The following ARHGEF25 variants were observed in gnomAD, a reference collection of about 807,000 sequenced individuals.
ARHGEF25 encodes Rho guanine nucleotide exchange factor 25, also known as RAC/CDC42 exchange factor.
A neutral mutation model predicts 74.0 loss-of-function variants in ARHGEF25; 42 were observed. The ratio of observed to expected loss-of-function variants is 0.57; its 90% CI spans 0.44 to 0.73. The LOEUF is 0.73. ARHGEF25 is among the 30% of genes least tolerant of loss of function. The probability of loss-of-function intolerance (pLI) is 0.00; values close to 1 mark genes in which losing one functional copy is unlikely to be tolerated. For synonymous variants in ARHGEF25, 293 were observed against 278.6 expected (o/e 1.05, Z -0.51); for missense variants, 645 against 725.5 (o/e 0.89, Z 1.27).
Position 57,614,266 on chromosome 12 carries a change from G to C in ARHGEF25, c.657-65G>C. 2 of 1,598,026 alleles carry C rather than the reference G, an allele frequency of 1.3e-6. No homozygotes were observed. Among genetic ancestry groups the C allele is most frequent in the Non-Finnish European group, 1.7e-6 (2 of 1,165,554 alleles). On this transcript the variant is annotated intron_variant, in intron 6 of 14. Coordinates refer to ENST00000286494, the MANE Select transcript of ARHGEF25 (RefSeq NM_182947.4). The surrounding 1 kb of genome is among the most constrained non-coding windows in gnomAD (Gnocchi z 4.6). ...CCAGGGCAGACAGCTCGAAACTGCT[G>C]GGAGTGGGCGAGGTGGGGGTTGTGA...
In ARHGEF25 at chr12:57,615,883, G is replaced by T. The variant is rs766237649; in HGVS notation, c.1286G>T (p.Arg429Leu). 1.2e-6 allele frequency: 2 copies of T among 1,614,110 alleles called. No individual in the cohort carries two copies. The highest frequency in any genetic ancestry group is 1.3e-5 in the African/African-American group (1 of 75,042). The part of the protein sequence containing the change: ...LEGNLQGDPC[R>L]FALTSRGPEG... ...GGGAACCTCCAAGGTGACCCTTGCC[G>T]CTTTGCACTGACCTCCAGAGGGCCA... Residue 429 changes from arginine (R) to leucine (L), a missense_variant, in exon 13 of 15, where the codon CGC (arginine) becomes CTC (leucine). Around this residue, in one of 3 missense-constraint regions of ARHGEF25, gnomAD observed 262 missense variants for 256.9 expected, o/e 1.02. Transcript: ENST00000286494.
chr12:57,610,751 T>G, upstream of ARHGEF25: 6 of 1,347,078 alleles, frequency 4.5e-6, no homozygotes, highest in Non-Finnish European at 6.1e-6. Context: ...TTCAAAAATA[T>G]TCTATTCTTA....
chr12:57,615,575 G>T lies in ARHGEF25; in HGVS notation c.1102G>T (p.Ala368Ser). 1 of 1,614,200 alleles carries T rather than the reference G, an allele frequency of 6.2e-7. No individual in the cohort carries two copies. Among genetic ancestry groups the T allele is most frequent in the South Asian group, 1.1e-5 (1 of 91,084 alleles). The change falls in exon 12 of 15, where the codon GCT (alanine) becomes TCT (serine). Residue 368 changes from alanine to serine, a missense_variant. By Grantham distance (99) the Ala-to-Ser change is moderately conservative. Transcript: ENST00000286494. ...CACTTTCTGGGTCACCGAGCCTGAG[G>T]CTGGAGGGCTGCTGTCTTCCCGAGG... ...QDTFWVTEPE[A>S]GGLLSSRGRE...
At position 57,614,202 on chromosome 12, in the gene ARHGEF25, A is replaced by G; in HGVS notation, c.656+83A>G. On this transcript the variant is annotated intron_variant, in intron 6 of 14. Coordinates refer to ENST00000286494, the MANE Select transcript of ARHGEF25 (RefSeq NM_182947.4). This position sits in a 1 kb window ranked among gnomAD's most constrained non-coding sequence, Gnocchi z 4.6. Reference sequence around the variant, plus strand: ...TGTATCCTAACATCAGCCCATTGCGACTTAAGGAATGTTTGGAGAAGTTTT... The same window carrying G: ...TGTATCCTAACATCAGCCCATTGCGGCTTAAGGAATGTTTGGAGAAGTTTT... 6.3e-7 allele frequency: 1 copy of G among 1,584,804 alleles called. No homozygotes were observed. The highest frequency in any genetic ancestry group is 8.7e-7 in the Non-Finnish European group (1 of 1,154,360).
chr12:57,613,814 G>A (rs1884162756), intron 5 of ARHGEF25, 54 bp downstream of exon 5: 3 of 1,600,044 alleles, frequency 1.9e-6, no homozygotes, highest in Non-Finnish European at 2.6e-6. Context: ...CATCTGCCCA[G>A]GGCTATTTTC....
intron 2 of ARHGEF25, 47 bp from the exon 3 acceptor site, chr12:57,613,217 A>G (rs1884130518): frequency 5.0e-6 from 8 of 1,610,626 alleles, no homozygotes; most frequent in Non-Finnish European, 6.8e-6. Context: ...AGTTGGGGCC[A>G]CCCAGCTACT....
chr12:57,615,606 A>G lies in ARHGEF25; in HGVS notation c.1133A>G (p.Glu378Gly), dbSNP rs780124033. 6.2e-7 allele frequency: 1 copy of G among 1,614,134 alleles called. No homozygotes were observed. The change falls in exon 12 of 15, where the codon GAG becomes GGG. Residue 378 changes from glutamate (E) to glycine (G), a missense_variant. Transcript: ENST00000286494. Reference protein sequence around the residue: ...AGGLLSSRGRERRVFLFEQII... With the variant: ...AGGLLSSRGRGRRVFLFEQII... ...GGGCTGCTGTCTTCCCGAGGTCGAG[A>G]GAGGCGCGTCTTCCTCTTTGAGCAA...
chr12:57,615,504 G>A lies in ARHGEF25; in HGVS notation c.1039-8G>A, dbSNP rs1464010851. 12 of 1,614,110 alleles carry A rather than the reference G, an allele frequency of 7.4e-6. No individual in the cohort carries two copies. Among genetic ancestry groups the A allele is most frequent in the Non-Finnish European group, 1.0e-5 (12 of 1,179,998 alleles). ...CTTTTTCCAAGGCCACTATCCTTTT[G>A]GTTTCAGGGCAAACTGACTGCTCAG... On this transcript the variant is annotated splice_region_variant and splice_polypyrimidine_tract_variant and intron_variant, in intron 11 of 14. Coordinates refer to ENST00000286494, the MANE Select transcript of ARHGEF25 (RefSeq NM_182947.4).
chr12:57,610,461 T>C, upstream of ARHGEF25: 2 of 1,133,326 alleles, frequency 1.8e-6, no homozygotes, highest in East Asian at 5.2e-5. Context: ...AGCCCCGTTC[T>C]GGGCGAGCCT....
Position 57,611,900 on chromosome 12 carries a change from G to A in ARHGEF25, c.6G>A (p.Arg2=), listed in dbSNP as rs750094404. The A allele has an allele frequency of 8.8e-6, 11 of 1,257,136 alleles. No individual in the cohort carries two copies. Among genetic ancestry groups the A allele is most frequent in the African/African-American group, 3.1e-5 (2 of 65,318 alleles). 77.9% of individuals were successfully genotyped at this position (1,257,136 alleles called of 1,614,324 possible). A position where few individuals can be genotyped will look rare whatever the true frequency, so the allele number is the denominator to read the frequency against. Residue 2 remains arginine, a synonymous_variant, in exon 1 of 15, where the codon CGG becomes CGA. Coordinates refer to ENST00000286494, the MANE Select transcript of ARHGEF25 (RefSeq NM_182947.4). The surrounding 1 kb of genome is among the most constrained non-coding windows in gnomAD (Gnocchi z 4.5). M[R]GGHKGGRCAC... ...CGCGGGGGGGCCCGGGCGCCATGCG[G>A]GGGGGGCACAAAGGGGGTCGCTGTG...
rs2140219920 is a variant in ARHGEF25 at position 57,612,044 on chromosome 12, T to C, written c.97+53T>C. On this transcript the variant is annotated intron_variant, in intron 1 of 14. Transcript: ENST00000286494. ...GTTGAGTGGGGGGCGGGCTGGGGGT[T>C]CAGGGCATCTGTTTGCCCTGGCCCT... is the stretch of plus-strand genomic sequence containing the variant. 8.5e-6 allele frequency: 10 copies of C among 1,173,006 alleles called. No homozygotes were observed. The East Asian group carries it at 1.2e-4, about 14-fold the overall frequency. The allele number at this position is 1,173,006 out of a possible 1,614,324, so 72.7% of individuals were successfully genotyped here.
At position 57,611,554 on chromosome 12, in the gene ARHGEF25, G is replaced by A; in HGVS notation, c.-341G>A. 1 of 993,436 alleles carries A rather than the reference G, an allele frequency of 1.0e-6. No individual in the cohort carries two copies. The highest frequency in any genetic ancestry group is 1.2e-6 in the Non-Finnish European group (1 of 835,374). The allele number at this position is 993,436 out of a possible 1,614,324, so 61.5% of individuals were successfully genotyped here. On this transcript the variant is annotated 5_prime_UTR_variant, in exon 1 of 15. Coordinates refer to ENST00000286494, the MANE Select transcript of ARHGEF25 (RefSeq NM_182947.4). The surrounding 1 kb of genome is among the most constrained non-coding windows in gnomAD (Gnocchi z 4.5). The stretch of plus-strand genomic sequence containing the variant: ...ACCAGAGGCCGGAGACAGCTGGAGC[G>A]GCTGCCGCATCCCGGCCCAGCCTCC...
At chr12:57,610,223 C>T (rs1883977382), upstream of ARHGEF25, 4 of 1,591,832 alleles carry the variant, frequency 2.5e-6, no homozygotes, top group Non-Finnish European at 3.4e-6. Context: ...CAGTATGAAG[C>T]CCCCGGACCG....
rs1411339051 is a variant in ARHGEF25 at position 57,613,418 on chromosome 12, C to T, written c.409-22C>T. On this transcript the variant is annotated intron_variant, in intron 3 of 14. Coordinates refer to ENST00000286494, the MANE Select transcript of ARHGEF25 (RefSeq NM_182947.4). ...CTCAAGGGGCATTCGTTTGCTCACCCTAGGATGTTCTTTCCTTCCAGCCAC... is the reference window on the plus strand; with the variant it reads ...CTCAAGGGGCATTCGTTTGCTCACCTTAGGATGTTCTTTCCTTCCAGCCAC... 2.5e-6 allele frequency: 4 copies of T among 1,614,022 alleles called. No individual in the cohort carries two copies. The South Asian group carries it at 4.4e-5, about 18-fold the overall frequency.
upstream of ARHGEF25, chr12:57,610,346 G>T (rs751001538): frequency 1.0e-5 from 14 of 1,369,504 alleles, no homozygotes; most frequent in South Asian, 2.8e-5. Flanking sequence ...TGGGGTCGGG[G>T]GTCTTTCGGG....
In ARHGEF25 at chr12:57,615,823, A is replaced by G. The variant is rs756418729; in HGVS notation, c.1240-14A>G. On this transcript the variant is annotated splice_polypyrimidine_tract_variant and intron_variant, in intron 12 of 14. Coordinates refer to ENST00000286494, the MANE Select transcript of ARHGEF25 (RefSeq NM_182947.4). ...CTGAGGAATCTGGGGGCTGTCTCCT[A>G]TCTGCCAATTCAGGTGAGCTGCCTG... The G allele has an allele frequency of 6.2e-7, 1 of 1,612,938 alleles. No homozygotes were observed. Among genetic ancestry groups the G allele is most frequent in the South Asian group, 1.1e-5 (1 of 91,006 alleles).
intron 11 of ARHGEF25, 33 bp from the exon 12 acceptor site, chr12:57,615,479 C>A: frequency 6.2e-7 from 1 of 1,612,886 alleles, no homozygotes. Flanking sequence ...TTTTCTTGTT[C>A]TTTTTCCAAG....
At chr12:57,611,410 T>TGGCGGCCCCGC, upstream of ARHGEF25, 3 of 983,624 alleles carry the variant, frequency 3.0e-6, no homozygotes, top group East Asian at 3.5e-4. The surrounding 1 kb of genome is among the most constrained non-coding windows in gnomAD (Gnocchi z 4.5). Context: ...CCCCGCCTCG[T>TGGCGGCCCCGC]GGCGGCCCCG....
rs1223901092 is a variant in ARHGEF25 at position 57,611,983 on chromosome 12, G to T, written c.89G>T (p.Gly30Val). 3.8e-6 allele frequency: 5 copies of T among 1,313,856 alleles called. No homozygotes were observed. In the East Asian group the frequency reaches 1.1e-4, roughly 29 times the overall value. 81.4% of individuals were successfully genotyped at this position (1,313,856 alleles called of 1,614,324 possible). Residue 30 changes from glycine to valine, a missense_variant, in exon 1 of 15, where the codon GGG becomes GTG. Gly to Val is a moderately radical substitution (Grantham distance 109). Around this residue, in one of 3 missense-constraint regions of ARHGEF25, gnomAD observed 189 missense variants for 199.1 expected, o/e 0.95. Transcript: ENST00000286494. This position sits in a 1 kb window ranked among gnomAD's most constrained non-coding sequence, Gnocchi z 4.5. ...AAATGCGGCTGCTGCTTCGCCCGGG[G>T]GGGACGTGGTGAGTGCCAGGTCGAG... ...LAKCGCCFAR[G>V]GRESYSIAGS... is the part of the protein sequence containing the mutation.
Sources: gnomAD v4.1 joint callset for allele counts on GRCh38, gnomAD v4.1.1 for gene constraint, gnomAD v4.1.1 regional missense constraint, Gnocchi (gnomAD v3.1) non-coding constraint, MANE v1.5 for transcripts, NCBI Gene and HGNC (gene_info 2026-07-23, HGNC 2026-07-21) for gene names.